The following NUP210 variants were observed in gnomAD, a reference collection of about 807,000 sequenced individuals.
The protein encoded by NUP210 is nuclear pore membrane glycoprotein 210.
Under a neutral mutation model 196.0 loss-of-function variants are expected in NUP210, and 151 were observed. The observed-to-expected ratio is 0.77, with a 90% CI of 0.67 to 0.88. The LOEUF (loss-of-function observed/expected upper bound fraction) is 0.88. NUP210 is among the 40% of genes least tolerant of loss of function. The pLI, the probability that NUP210 is intolerant of heterozygous loss-of-function variation, is 0.00. For missense variants in NUP210, 2,314 were observed against 2,493.7 expected (o/e 0.93, Z 1.53); for synonymous variants, 1,070 against 1,052.7 (o/e 1.02, Z -0.32).
chr3:13,357,010 G>T (rs1372647832), intron 16 of NUP210, among the ~76,000 whole-genome samples: 5 of 152,242 alleles, frequency 3.3e-5, no homozygotes, highest in African/African-American at 9.6e-5. Flanking sequence ...CCAGCCTGGG[G>T]TTGAATTGAC....
At chr3:13,345,688 A>AT (rs1360504279) in intron 20 of NUP210, among the ~76,000 whole-genome samples, 1 of 152,208 alleles carries the variant, frequency 6.6e-6, no homozygotes, top group Non-Finnish European at 1.5e-5. Context: ...CATCACACTT[A>AT]CACTACAAAA....
chr3:13,420,279 C>T lies in NUP210; in HGVS notation c.-53G>A, dbSNP rs1167189036. 5 of 1,023,044 alleles carry T rather than the reference C, an allele frequency of 4.9e-6. No individual in the cohort carries two copies. The highest frequency in any genetic ancestry group is 5.9e-6 in the Non-Finnish European group (5 of 854,166). 63.4% of individuals were successfully genotyped at this position (1,023,044 alleles called of 1,614,324 possible). ...CTGCGCCCGGCCGCCCGCGCCGCCC[C>T]GTTGCCCTCCGCTCCCGCCCGCGCG... On this transcript the variant is annotated 5_prime_UTR_variant, in exon 1 of 40. Coordinates refer to ENST00000254508, the MANE Select transcript of NUP210 (RefSeq NM_024923.4). This position sits in a 1 kb window ranked among gnomAD's most constrained non-coding sequence, Gnocchi z 4.8.
intron 20 of NUP210, among the ~76,000 whole-genome samples, chr3:13,346,695 T>C (rs1697744215): frequency 6.6e-6 from 1 of 152,202 alleles, no homozygotes; most frequent in Non-Finnish European, 1.5e-5. Context: ...TTCAGATTTG[T>C]CCCGACAGGT....
Position 13,342,061 on chromosome 3 carries a change from GA to G in NUP210, c.3026del (p.Phe1009SerfsTer11). On this transcript the variant is annotated frameshift_variant, in exon 22 of 40. Coordinates refer to ENST00000254508, the MANE Select transcript of NUP210 (RefSeq NM_024923.4). LOFTEE classifies it high-confidence loss of function. ...CCATAAAGGGGAAGTATTTGGCAAG[GA>G]AGGGCTTCTTGTGCAAGTCCAGCAC... ...VRVLDLHKKPFLAKYFPFMDL... is the reference protein window; with the variant it reads ...VRVLDLHKKPXLAKYFPFMDL... 1.9e-6 allele frequency: 3 copies of G among 1,614,206 alleles called. No homozygotes were observed. The highest frequency in any genetic ancestry group is 2.5e-6 in the Non-Finnish European group (3 of 1,180,020).
At chr3:13,339,006 CAG>C (rs1697345671) in intron 25 of NUP210, among the ~76,000 whole-genome samples, 1 of 152,206 alleles carries the variant, frequency 6.6e-6, no homozygotes, top group Non-Finnish European at 1.5e-5. Context: ...AAAAAAACCA[CAG>C]AGTCTCCTGT....
In NUP210 at chr3:13,340,054, G is replaced by A. The variant is rs201981682; in HGVS notation, c.3292-21C>T. ...GTGACCTGAGCGGGGAGGAAACAGC[G>A]GCGTGTCAGTGCCCGTCATGCCAGG... On this transcript the variant is annotated intron_variant, in intron 24 of 39. Coordinates refer to ENST00000254508, the MANE Select transcript of NUP210 (RefSeq NM_024923.4). The surrounding 1 kb of genome is among the most constrained non-coding windows in gnomAD (Gnocchi z 4.0). 6.2e-6 allele frequency: 10 copies of A among 1,610,418 alleles called. No homozygotes were observed. Among genetic ancestry groups the A allele is most frequent in the East Asian group, 4.5e-5 (2 of 44,774 alleles).
rs1474335893 is a variant in NUP210, at chr3:13,317,521, C to A, written c.*160G>T. 13 of 620,474 alleles carry A rather than the reference C, an allele frequency of 2.1e-5. No homozygotes were observed. Among genetic ancestry groups the A allele is most frequent in the Non-Finnish European group, 8.6e-6 (3 of 347,574 alleles). 38.4% of individuals were successfully genotyped at this position (620,474 alleles called of 1,614,324 possible). A position where few individuals can be genotyped will look rare whatever the true frequency, so the allele number is the denominator to read the frequency against. On this transcript the variant is annotated 3_prime_UTR_variant, in exon 40 of 40. Transcript: ENST00000254508. ...CATAAAATGAGCTAATGGGCAGAGCCGAAACTACAGCTCTGTGTGAAGAGA... is the reference window on the plus strand; with the variant it reads ...CATAAAATGAGCTAATGGGCAGAGCAGAAACTACAGCTCTGTGTGAAGAGA...
intron 14 of NUP210, among the ~76,000 whole-genome samples, chr3:13,363,221 C>T (rs1457861952): frequency 2.6e-5 from 4 of 152,200 alleles, no homozygotes; most frequent in Non-Finnish European, 5.9e-5. Context: ...ACTTTATAGA[C>T]AGCAAGGATA....
Position 13,420,205 on chromosome 3 carries a change from G to C in NUP210, c.22C>G (p.Leu8Val), listed in dbSNP as rs540142680. The C allele has an allele frequency of 6.8e-6, 8 of 1,179,900 alleles. No individual in the cohort carries two copies. In the African/African-American group the frequency reaches 1.1e-4, roughly 17 times the overall value. The allele number at this position is 1,179,900 out of a possible 1,614,324, so 73.1% of individuals were successfully genotyped here. A position where few individuals can be genotyped will look rare whatever the true frequency, so the allele number is the denominator to read the frequency against. Residue 8 changes from leucine (L) to valine (V), a missense_variant, in exon 1 of 40, where the codon CTG becomes GTG. Leu to Val is a conservative substitution (Grantham distance 32). Transcript: ENST00000254508. The surrounding 1 kb of genome is among the most constrained non-coding windows in gnomAD (Gnocchi z 4.8). ...AGCACCGACAGCGTCAGCAGCAGCA[G>C]CCCCCGGCCCCGCGCCGCCATCCTC... The part of the protein sequence containing the change: MAARGRG[L>V]LLLTLSVLLA...
intron 6 of NUP210, among the ~76,000 whole-genome samples, chr3:13,381,109 T>G (rs1407588109): frequency 6.6e-6 from 1 of 152,258 alleles, no homozygotes; most frequent in Non-Finnish European, 1.5e-5. Context: ...AATCAAGTGA[T>G]TCTTGCAGAT....
intron 23 of NUP210, 141 bp downstream of exon 23, chr3:13,341,607 C>T (rs1350640626): frequency 1.0e-6 from 1 of 978,426 alleles, no homozygotes; most frequent in Non-Finnish European, 1.5e-6. Flanking sequence ...CTCGTAACAG[C>T]TGCCTTTTGA....
At chr3:13,318,368 C>G (rs1219205301) in intron 39 of NUP210, among the ~76,000 whole-genome samples, 3 of 152,146 alleles carry the variant, frequency 2.0e-5, no homozygotes, top group Non-Finnish European at 2.9e-5. Context: ...CGTGTGGGCT[C>G]TCCTTACCCA....
At chr3:13,382,873 G>A (rs1332136476) in intron 6 of NUP210, among the ~76,000 whole-genome samples, 1 of 152,140 alleles carries the variant, frequency 6.6e-6, no homozygotes, top group Non-Finnish European at 1.5e-5. Context: ...GGCTGAGCAT[G>A]GCAACTCATG....
At chr3:13,390,055 A>T (rs1475923404) in intron 4 of NUP210, among the ~76,000 whole-genome samples, 1 of 152,146 alleles carries the variant, frequency 6.6e-6, no homozygotes, top group Non-Finnish European at 1.5e-5. Context: ...TGGGGCTGGG[A>T]TCCTTCTTTT....
chr3:13,336,887 T>G lies in NUP210; in HGVS notation c.3584A>C (p.His1195Pro). Residue 1195 changes from histidine (H) to proline (P), a missense_variant, in exon 27 of 40, where the codon CAC becomes CCC. Physicochemically the swap from His to Pro is moderately conservative, Grantham distance 77 (BLOSUM62 -2). Transcript: ENST00000254508. ...ATTGCCAAAGGAGAAAGGGTTCTGG[T>G]GGTTGGTGATGCCGGTGACATAGAT... is the stretch of plus-strand genomic sequence containing the variant. ...MPIYVTGITN[H>P]QNPFSFGNAV... The G allele has an allele frequency of 1.2e-6, 2 of 1,613,386 alleles. No individual in the cohort carries two copies. Among genetic ancestry groups the G allele is most frequent in the Non-Finnish European group, 1.7e-6 (2 of 1,179,732 alleles).
intron 4 of NUP210, among the ~76,000 whole-genome samples, chr3:13,390,596 G>A (rs902379527): frequency 6.6e-6 from 1 of 152,224 alleles, no homozygotes; most frequent in South Asian, 2.1e-4. Flanking sequence ...CCACGAGACA[G>A]TGCAGATCCA....
chr3:13,397,669 A>C (rs1461586660), intron 2 of NUP210, among the ~76,000 whole-genome samples, 181 bp from the exon 3 acceptor site: 3 of 152,186 alleles, frequency 2.0e-5, no homozygotes, highest in Admixed American at 6.5e-5. Flanking sequence ...CCAGAAAGAA[A>C]GGGCTGTGGG....
intron 3 of NUP210, among the ~76,000 whole-genome samples, chr3:13,391,627 G>A (rs1313991567): frequency 5.4e-5 from 8 of 148,754 alleles, no homozygotes; most frequent in Admixed American, 4.1e-4. Flanking sequence ...CTGCTGCCCC[G>A]CACGTCTGTG....
At chr3:13,356,607 C>T (rs2124885910) in intron 16 of NUP210, among the ~76,000 whole-genome samples, 2 of 152,318 alleles carry the variant, frequency 1.3e-5, no homozygotes. Flanking sequence ...TGCGCCACTG[C>T]ACTCCAGCCT....
Sources: gnomAD v4.1 joint callset for allele counts (sites outside exome capture counted in the v4.1 genomes callset) on GRCh38, gnomAD v4.1.1 for gene constraint, Gnocchi (gnomAD v3.1) non-coding constraint, MANE v1.5 for transcripts, NCBI Gene and HGNC (gene_info 2026-07-23, HGNC 2026-07-21) for gene names.